The following RBFOX1 variants were observed in gnomAD, a reference collection of about 807,000 sequenced individuals.
RBFOX1 encodes RNA binding protein fox-1 homolog 1.
A neutral mutation model predicts 57.7 loss-of-function variants in RBFOX1; 8 were observed. That is an observed-to-expected ratio of 0.14 (90% CI 0.08 to 0.25). RBFOX1 has a LOEUF of 0.25. RBFOX1 is among the 10% of genes least tolerant of loss of function. The pLI is 1.00. For missense variants in RBFOX1, 611 were observed against 548.5 expected (o/e 1.11, Z -1.14); for synonymous variants, 326 against 222.4 (o/e 1.47, Z -4.15).
intron 4 of RBFOX1, among the ~76,000 whole-genome samples, chr16:7,418,237 T>C (rs991898124): frequency 2.0e-5 from 3 of 152,204 alleles, no homozygotes; most frequent in African/African-American, 7.2e-5. Context: ...AAAAAGTTAT[T>C]GCAGAAGAGG....
At chr16:5,830,107 T>G (rs2151824764) in intron 3 of RBFOX1, among the ~76,000 whole-genome samples, 1 of 152,344 alleles carries the variant, frequency 6.6e-6, no homozygotes, top group African/African-American at 2.4e-5. Flanking sequence ...GCATCCATCT[T>G]GTGGGCTGCA....
At chr16:7,656,209 C>T (rs1320427289) in intron 12 of RBFOX1, among the ~76,000 whole-genome samples, 1 of 152,170 alleles carries the variant, frequency 6.6e-6, no homozygotes. Flanking sequence ...CTGCAATAAC[C>T]TATTAGAGCA....
chr16:7,024,746 C>G (rs1033898867), intron 3 of RBFOX1, among the ~76,000 whole-genome samples: 1 of 152,196 alleles, frequency 6.6e-6, no homozygotes, highest in African/African-American at 2.4e-5. Context: ...ACTTGATTGT[C>G]TTTCAGACAG....
intron 1 of RBFOX1, among the ~76,000 whole-genome samples, chr16:6,125,559 T>C (rs550844354): frequency 2.6e-5 from 4 of 152,094 alleles, no homozygotes; most frequent in Non-Finnish European, 5.9e-5. Context: ...ATGCCTGGAG[T>C]GCACTTCTCA....
intron 4 of RBFOX1, among the ~76,000 whole-genome samples, chr16:7,332,187 G>C: frequency 6.6e-6 from 1 of 152,272 alleles, no homozygotes; most frequent in South Asian, 2.1e-4. Flanking sequence ...TGCCTTGTAC[G>C]AGCTATGTGA....
At chr16:7,104,479 A>C (rs2063228412) in intron 4 of RBFOX1, among the ~76,000 whole-genome samples, 1 of 152,146 alleles carries the variant, frequency 6.6e-6, no homozygotes, top group Non-Finnish European at 1.5e-5. Context: ...GAAAGAGTAA[A>C]ATTTAAAAAC....
intron 3 of RBFOX1, among the ~76,000 whole-genome samples, chr16:6,788,299 C>G (rs2082301810): frequency 6.6e-6 from 1 of 152,014 alleles, no homozygotes; most frequent in African/African-American, 2.4e-5. Context: ...TGTCCCTTTT[C>G]CAAAATTCCC....
chr16:7,384,786 C>T (rs1255089330), intron 4 of RBFOX1, among the ~76,000 whole-genome samples: 1 of 152,192 alleles, frequency 6.6e-6, no homozygotes, highest in Non-Finnish European at 1.5e-5. Flanking sequence ...TTCTCAGCCG[C>T]TGGGTATTCA....
chr16:6,208,586 C>T (rs925648953), intron 1 of RBFOX1, among the ~76,000 whole-genome samples: 1 of 152,198 alleles, frequency 6.6e-6, no homozygotes, highest in Admixed American at 6.5e-5. Flanking sequence ...TGATGTAGAT[C>T]AATCAACCCA....
chr16:6,253,699 G>GTGTGTGTATATATA (rs71145205), intron 1 of RBFOX1, among the ~76,000 whole-genome samples: 19 of 142,414 alleles, frequency 1.3e-4, no homozygotes, highest in African/African-American at 2.5e-4. Context: ...GTGTGTGTGT[G>GTGTGTGTATATATA]TATATATATA....
chr16:6,063,045 G>C (rs986944097), intron 1 of RBFOX1, among the ~76,000 whole-genome samples: 4 of 152,156 alleles, frequency 2.6e-5, no homozygotes, highest in Non-Finnish European at 5.9e-5. Context: ...CATACAGTCA[G>C]CTGTGATGAT....
intron 3 of RBFOX1, among the ~76,000 whole-genome samples, chr16:6,803,777 A>G (rs1005670774): frequency 6.6e-6 from 1 of 152,058 alleles, no homozygotes; most frequent in Non-Finnish European, 1.5e-5. Flanking sequence ...AATAAGATTC[A>G]TAAGGAATGT....
At chr16:7,149,618 T>G (rs891743706) in intron 4 of RBFOX1, among the ~76,000 whole-genome samples, 5 of 151,758 alleles carry the variant, frequency 3.3e-5, no homozygotes, top group Non-Finnish European at 2.9e-5. Flanking sequence ...CCTGAGTAGC[T>G]GGGATTACAG....
chr16:6,631,911 G>A (rs2098389725), intron 2 of RBFOX1, among the ~76,000 whole-genome samples: 1 of 152,198 alleles, frequency 6.6e-6, no homozygotes, highest in African/African-American at 2.4e-5. Flanking sequence ...GGAGTGAGCA[G>A]GAAAAGGTAG....
intron 4 of RBFOX1, among the ~76,000 whole-genome samples, chr16:7,125,688 T>G (rs1404448353): frequency 2.6e-5 from 4 of 152,154 alleles, no homozygotes; most frequent in Non-Finnish European, 5.9e-5. Context: ...GCTCTAAAAT[T>G]TAACACTTTT....
intron 4 of RBFOX1, among the ~76,000 whole-genome samples, chr16:5,922,569 G>A (rs910881289): frequency 6.6e-6 from 1 of 152,168 alleles, no homozygotes; most frequent in Non-Finnish European, 1.5e-5. Context: ...CAGAACCCAG[G>A]TGAAGTGTCC....
At chr16:6,663,593 G>T (rs2098714464) in intron 3 of RBFOX1, among the ~76,000 whole-genome samples, 1 of 152,144 alleles carries the variant, frequency 6.6e-6, no homozygotes, top group Admixed American at 6.5e-5. Flanking sequence ...GATACTTAAG[G>T]CACATAAGGG....
chr16:6,473,219 C>T (rs532227727), intron 2 of RBFOX1, among the ~76,000 whole-genome samples: 1 of 152,274 alleles, frequency 6.6e-6, no homozygotes, highest in South Asian at 2.1e-4. Flanking sequence ...ATTTTGTTTT[C>T]TGGTGATTAG....
At chr16:6,541,261 A>G (rs1458926724) in intron 2 of RBFOX1, among the ~76,000 whole-genome samples, 1 of 152,224 alleles carries the variant, frequency 6.6e-6, no homozygotes, top group African/African-American at 2.4e-5. Context: ...TAGCCCGGGA[A>G]GGAACTTTGA....
Sources: allele counts gnomAD v4.1 joint callset (sites outside exome capture counted in the v4.1 genomes callset), GRCh38; gene constraint gnomAD v4.1.1; transcripts MANE v1.5; gene names NCBI Gene and HGNC (gene_info 2026-07-23, HGNC 2026-07-21).